The following HIVEP2 variants were observed in gnomAD, a reference collection of about 807,000 sequenced individuals.
The protein encoded by HIVEP2 is transcription factor HIVEP2.
HIVEP2 carries 14 observed loss-of-function variants against 180.7 expected under a neutral mutation model. The observed-to-expected ratio is 0.08, with a 90% confidence interval of 0.05 to 0.12. HIVEP2 has a LOEUF of 0.12. Ranked by LOEUF, HIVEP2 falls within the 10% of genes least tolerant of loss-of-function variation. The pLI, the probability that HIVEP2 is intolerant of heterozygous loss-of-function variation, is 1.00. For synonymous variants in HIVEP2, 1,184 were observed against 1,136.4 expected, an observed-to-expected ratio of 1.04 and a Z score of -0.84; for missense variants, 2,579 against 3,008.5, an observed-to-expected ratio of 0.86 and a Z score of 3.34.
intron 2 of HIVEP2, among the ~76,000 whole-genome samples, chr6:142,802,882 T>C (rs1477683301): frequency 6.6e-6 from 1 of 152,204 alleles, no homozygotes; most frequent in East Asian, 1.9e-4. Flanking sequence ...CATGTTTCTG[T>C]AGCTAAGCTA....
At chr6:142,912,142 T>G (rs563818164) in intron 1 of HIVEP2, among the ~76,000 whole-genome samples, 7 of 152,188 alleles carry the variant, frequency 4.6e-5, no homozygotes, top group Non-Finnish European at 1.0e-4. Flanking sequence ...TTAAATAAAA[T>G]TTAAAAATTA....
In HIVEP2 at chr6:142,770,473, G is replaced by A. The variant is rs115985662; in HGVS notation, c.4266C>T (p.Pro1422=). Residue 1422 remains proline, a synonymous_variant, in exon 5 of 10, where the codon CCC becomes CCT. Coordinates refer to ENST00000367603, the MANE Select transcript of HIVEP2 (RefSeq NM_006734.4). The surrounding 1 kb of genome is among the most constrained non-coding windows in gnomAD (Gnocchi z 4.7). The stretch of plus-strand genomic sequence containing the variant: ...TGTCAGAGGTGGAAGGTAAACACAA[G>A]GGGATGGAGGATTCTAAGCCGAGGG... ...TLPLGLESSI[P]LCLPSTSDSV... The A allele has an allele frequency of 1.2e-3, 1,945 of 1,614,178 alleles. 14 individuals are homozygous for A. In the African/African-American group the frequency reaches 0.022, roughly 19 times the overall value.
chr6:142,903,868 C>T (rs1019928836), intron 1 of HIVEP2, among the ~76,000 whole-genome samples: 13 of 150,708 alleles, frequency 8.6e-5, no homozygotes, highest in African/African-American at 3.2e-4. Flanking sequence ...AATGATTGCA[C>T]CAAAGCAAAA....
chr6:142,940,007 A>G (rs1778138740), intron 1 of HIVEP2, among the ~76,000 whole-genome samples: 1 of 152,242 alleles, frequency 6.6e-6, no homozygotes, highest in Admixed American at 6.5e-5. Context: ...TCACATGGAA[A>G]GTAAGAAATC....
At chr6:142,810,076 C>A (rs576809) in intron 2 of HIVEP2, among the ~76,000 whole-genome samples, 9,728 of 152,210 alleles carry the variant, frequency 0.064, 384 homozygotes, top group Non-Finnish European at 0.085. Context: ...CTTACCCTCT[C>A]TAGGCTGATT....
Position 142,883,675 on chromosome 6 carries a change from C to T in HIVEP2, c.-640-46628G>A, listed in dbSNP as rs144737677. Among the ~76,000 whole-genome samples the T allele has an allele frequency of 1.2e-3, 177 of 152,214 alleles. 1 individual carries two copies. The East Asian group carries it at 0.016, about 14-fold the overall frequency. On this transcript the variant is annotated intron_variant, in intron 1 of 9. Transcript: ENST00000367603. ...TGAAACTTTTTCATATAGTGTGATG[C>T]TTATGAAAGTAAAGCTAGTCTCCAG...
At chr6:142,820,294 C>T (rs984123757) in intron 2 of HIVEP2, among the ~76,000 whole-genome samples, 3 of 85,598 alleles carry the variant, frequency 3.5e-5, no homozygotes, top group Admixed American at 2.9e-4. Flanking sequence ...GGCTCGCTCT[C>T]TCTTCTCTCT....
intron 1 of HIVEP2, among the ~76,000 whole-genome samples, chr6:142,846,710 G>A (rs1298250332): frequency 1.3e-5 from 2 of 152,092 alleles, no homozygotes; most frequent in African/African-American, 4.8e-5. Context: ...TACCAGGAGA[G>A]GTTTACCCAC....
At chr6:142,783,065 G>T (rs1775894840) in intron 3 of HIVEP2, among the ~76,000 whole-genome samples, 1 of 151,944 alleles carries the variant, frequency 6.6e-6, no homozygotes, top group South Asian at 2.1e-4. Flanking sequence ...AGATTGGTGG[G>T]CTGGGTGCAG....
intron 1 of HIVEP2, among the ~76,000 whole-genome samples, chr6:142,939,183 T>C (rs1157298858): frequency 2.0e-5 from 3 of 152,184 alleles, no homozygotes; most frequent in Non-Finnish European, 4.4e-5. Flanking sequence ...TAACAAAATA[T>C]TTTAATCACT....
At chr6:142,887,959 CAAA>C (rs10634446) in intron 1 of HIVEP2, among the ~76,000 whole-genome samples, 1 of 143,080 alleles carries the variant, frequency 7.0e-6, no homozygotes. Context: ...GGCGATGCAG[CAAA>C]AAAAAAAAAA....
upstream of HIVEP2, among the ~76,000 whole-genome samples, chr6:142,945,682 C>T (rs1178053284): frequency 1.3e-5 from 2 of 152,226 alleles, no homozygotes; most frequent in Non-Finnish European, 2.9e-5. The surrounding 1 kb of genome is among the most constrained non-coding windows in gnomAD (Gnocchi z 5.5). Context: ...TTGGCAAAGA[C>T]TTGTGCCACA....
intron 2 of HIVEP2, among the ~76,000 whole-genome samples, chr6:142,833,973 C>A (rs1469377259): frequency 1.3e-5 from 2 of 152,066 alleles, no homozygotes; most frequent in Non-Finnish European, 2.9e-5. Context: ...AAAAGGAAGT[C>A]CTGTATAATA....
intron 1 of HIVEP2, among the ~76,000 whole-genome samples, chr6:142,883,083 C>A (rs1250258754): frequency 6.6e-6 from 1 of 151,964 alleles, no homozygotes; most frequent in Non-Finnish European, 1.5e-5. Flanking sequence ...CACTTCAAGC[C>A]AAGATTTTGC....
chr6:142,883,195 G>A (rs1371374894), intron 1 of HIVEP2, among the ~76,000 whole-genome samples: 1 of 151,990 alleles, frequency 6.6e-6, no homozygotes, highest in African/African-American at 2.4e-5. Flanking sequence ...CACATGGAGA[G>A]AGAAAGGGGG....
At chr6:142,855,080 A>G (rs552750345) in intron 1 of HIVEP2, among the ~76,000 whole-genome samples, 7 of 152,322 alleles carry the variant, frequency 4.6e-5, no homozygotes, top group Admixed American at 3.3e-4. Context: ...CCAAAAGGTA[A>G]AGAGAAGGGA....
In HIVEP2 at chr6:142,883,207, A is replaced by G. The variant is rs543944437; in HGVS notation, c.-640-46160T>C. On this transcript the variant is annotated intron_variant, in intron 1 of 9. Transcript: ENST00000367603. ...CTGCACATGGAGAGAGAAAGGGGGG[A>G]AAAGCTTTGGGAGAAAAGATTTGCA... Among the ~76,000 whole-genome samples the G allele has an allele frequency of 5.9e-5, 9 of 152,174 alleles. No homozygotes were observed. The South Asian group carries it at 1.2e-3, about 21-fold the overall frequency.
chr6:142,765,124 T>C (rs1276143754), intron 6 of HIVEP2, 150 bp from the exon 7 acceptor site: 8 of 659,762 alleles, frequency 1.2e-5, no homozygotes, highest in Non-Finnish European at 2.0e-5. Flanking sequence ...CTGTGAAATT[T>C]ATGCAGTAAA....
intron 1 of HIVEP2, among the ~76,000 whole-genome samples, chr6:142,865,138 A>G (rs948032990): frequency 3.3e-5 from 5 of 152,148 alleles, no homozygotes; most frequent in Non-Finnish European, 5.9e-5. Flanking sequence ...GATAGCTACT[A>G]TTGCTCCAGG....
Sources: gnomAD v4.1 joint callset for allele counts (sites outside exome capture counted in the v4.1 genomes callset) on GRCh38, gnomAD v4.1.1 for gene constraint, Gnocchi (gnomAD v3.1) non-coding constraint, MANE v1.5 for transcripts, NCBI Gene and HGNC (gene_info 2026-07-23, HGNC 2026-07-21) for gene names.